Variants in STAT1 observed in about 807,000 individuals in gnomAD.
STAT1 encodes signal transducer and activator of transcription 1.
A neutral mutation model predicts 111.7 loss-of-function variants in STAT1; 24 were observed. That is an observed-to-expected ratio of 0.21 (90% confidence interval 0.16 to 0.30). STAT1 has a LOEUF of 0.30. STAT1 is among the 10% of genes least tolerant of loss of function. STAT1 has a pLI of 1.00. For synonymous variants in STAT1, 332 were observed against 326.5 expected (o/e 1.02, Z -0.18); for missense variants, 351 against 911.9 (o/e 0.38, Z 7.92).
At position 190,974,357 on chromosome 2, in the gene STAT1, C is replaced by T. The variant is rs139822938; in HGVS notation, c.2238+473G>A. On this transcript the variant is annotated intron_variant, in intron 24 of 24. Transcript: ENST00000361099. The surrounding 1 kb of genome is among the most constrained non-coding windows in gnomAD (Gnocchi z 4.8). ...GGAGCTACTTGTACAAATTAGCTCT[C>T]AAATATAAGGCAGATGAAGTAATCT... Among the ~76,000 whole-genome samples, 5 of 152,282 alleles carry T rather than the reference C, an allele frequency of 3.3e-5. No homozygotes were observed. The East Asian group carries it at 9.7e-4, about 29-fold the overall frequency.
At chr2:191,001,435 C>T (rs1294044957) in intron 5 of STAT1, among the ~76,000 whole-genome samples, 2 of 152,270 alleles carry the variant, frequency 1.3e-5, no homozygotes, top group Admixed American at 6.5e-5. Flanking sequence ...CATGGTACCA[C>T]GCTGGAATTT....
intron 10 of STAT1, chr2:190,992,710 C>G: frequency 8.0e-7 from 1 of 1,256,094 alleles, no homozygotes; most frequent in South Asian, 2.0e-5. Context: ...TCAGCACCAC[C>G]AGCTGTTGCT....
intron 12 of STAT1, among the ~76,000 whole-genome samples, chr2:190,988,401 CAG>C (rs1476430527): frequency 2.0e-5 from 3 of 152,160 alleles, no homozygotes; most frequent in African/African-American, 4.8e-5. Context: ...TGTTTTTAGA[CAG>C]AGTCTCACTC....
In STAT1 at chr2:190,974,626, G is replaced by A. The variant is rs534930235; in HGVS notation, c.2238+204C>T. Among the ~76,000 whole-genome samples the A allele has an allele frequency of 6.6e-6, 1 of 152,344 alleles. No individual in the cohort carries two copies. The highest frequency in any genetic ancestry group is 2.1e-4 in the South Asian group (1 of 4,828). On this transcript the variant is annotated intron_variant, in intron 24 of 24. Transcript: ENST00000361099. This position sits in a 1 kb window ranked among gnomAD's most constrained non-coding sequence, Gnocchi z 4.8. The stretch of plus-strand genomic sequence containing the variant: ...ACTTGTTTTTTGGAAGGTGCTGAAT[G>A]CGAGGAATAAAAATCCCACTGATGA...
chr2:191,000,944 C>A lies in STAT1; in HGVS notation c.462+130G>T. 1.3e-6 allele frequency: 1 copy of A among 769,630 alleles called. No individual in the cohort carries two copies. 47.7% of individuals were successfully genotyped at this position (769,630 alleles called of 1,614,324 possible). ...TTTGTTTACTTATAGCTTGAGACTT[C>A]TGCAAAATTTTTCTTCCCAACTACT... On this transcript the variant is annotated intron_variant, in intron 6 of 24. Coordinates refer to ENST00000361099, the MANE Select transcript of STAT1 (RefSeq NM_007315.4). This position sits in a 1 kb window ranked among gnomAD's most constrained non-coding sequence, Gnocchi z 4.8.
Position 190,991,099 on chromosome 2 carries a change from T to C in STAT1, c.1037+129A>G, listed in dbSNP as rs922929165. The stretch of plus-strand genomic sequence containing the variant: ...GACTCTCAGATATTCTCAGTAAGAG[T>C]TCATATTAAAGTGCCCCCTGAAAAA... On this transcript the variant is annotated intron_variant, in intron 11 of 24. Coordinates refer to ENST00000361099, the MANE Select transcript of STAT1 (RefSeq NM_007315.4). The C allele has an allele frequency of 1.3e-5, 10 of 742,900 alleles. No individual in the cohort carries two copies. In the African/African-American group the frequency reaches 1.7e-4, roughly 13 times the overall value. The allele number at this position is 742,900 out of a possible 1,614,324, so 46.0% of individuals were successfully genotyped here.
chr2:191,006,932 T>C lies in STAT1; in HGVS notation c.372+631A>G, dbSNP rs934848970. Among the ~76,000 whole-genome samples, 10 of 152,188 alleles carry C rather than the reference T, an allele frequency of 6.6e-5. No individual in the cohort carries two copies. The highest frequency in any genetic ancestry group is 1.5e-4 in the Non-Finnish European group (10 of 68,020). On this transcript the variant is annotated intron_variant, in intron 5 of 24. Coordinates refer to ENST00000361099, the MANE Select transcript of STAT1 (RefSeq NM_007315.4). This position sits in a 1 kb window ranked among gnomAD's most constrained non-coding sequence, Gnocchi z 4.6. The stretch of plus-strand genomic sequence containing the variant: ...CCTCCTTTTCTCTCCACAAACCTAT[T>C]GAGTCCTACAAAACTCCTGCCCCTG...
In STAT1 at chr2:191,012,592, T is replaced by A. The variant is rs1695224578; in HGVS notation, c.-2+933A>T. ...CTCCATCCCAAGACCTGCTCCTTCC[T>A]GTCTCCAACATTCTACCTTCCCAGT... is the stretch of plus-strand genomic sequence containing the variant. On this transcript the variant is annotated intron_variant, in intron 2 of 24. Transcript: ENST00000361099. The surrounding 1 kb of genome is among the most constrained non-coding windows in gnomAD (Gnocchi z 4.0). Among the ~76,000 whole-genome samples, 2 of 152,170 alleles carry A rather than the reference T, an allele frequency of 1.3e-5. No homozygotes were observed. Among genetic ancestry groups the A allele is most frequent in the East Asian group, 1.9e-4 (1 of 5,198 alleles).
chr2:190,974,231 G>T lies in STAT1; in HGVS notation c.2238+599C>A, dbSNP rs1691723166. 6.6e-6 allele frequency among the ~76,000 whole-genome samples: 1 copy of T among 152,104 alleles called. No homozygotes were observed. Among genetic ancestry groups the T allele is most frequent in the Non-Finnish European group, 1.5e-5 (1 of 68,014 alleles). On this transcript the variant is annotated intron_variant, in intron 24 of 24. Coordinates refer to ENST00000361099, the MANE Select transcript of STAT1 (RefSeq NM_007315.4). The surrounding 1 kb of genome is among the most constrained non-coding windows in gnomAD (Gnocchi z 4.8). ...AAAAAGCACCCTCCAAAAGGAAGATGTTCCCTTTTGTGGACAATCATATTC... is the reference window on the plus strand; with the variant it reads ...AAAAAGCACCCTCCAAAAGGAAGATTTTCCCTTTTGTGGACAATCATATTC...
chr2:190,972,489 T>C (rs1283081986), intron 24 of STAT1, among the ~76,000 whole-genome samples: 3 of 152,142 alleles, frequency 2.0e-5, no homozygotes, highest in African/African-American at 7.2e-5. Flanking sequence ...GCACCAGGCG[T>C]TGGCCCCTGG....
chr2:191,009,872 T>C lies in STAT1; in HGVS notation c.128+4A>G. On this transcript the variant is annotated splice_donor_region_variant and intron_variant, in intron 3 of 24. Coordinates refer to ENST00000361099, the MANE Select transcript of STAT1 (RefSeq NM_007315.4). ...TCTTCTTCTGTCTAGTGAATTTTCC[T>C]TACCAGTCTTGCTTTTCTAACCACT... 6.2e-7 allele frequency: 1 copy of C among 1,613,912 alleles called. No homozygotes were observed. The highest frequency in any genetic ancestry group is 8.5e-7 in the Non-Finnish European group (1 of 1,179,818).
At chr2:190,994,927 A>AAAAAAATAT (rs1165918318) in intron 10 of STAT1, 134 bp downstream of exon 10, 2 of 134,064 alleles carry the variant, frequency 1.5e-5, no homozygotes, top group African/African-American at 7.9e-5. Context: ...AAAAAAAAAA[A>AAAAAAATAT]ATATATATAT....
In STAT1 at chr2:190,970,787, A is replaced by G; in HGVS notation, c.2239-70T>C. 7.0e-7 allele frequency: 1 copy of G among 1,425,298 alleles called. No individual in the cohort carries two copies. Among genetic ancestry groups the G allele is most frequent in the Non-Finnish European group, 9.9e-7 (1 of 1,010,370 alleles). The allele number at this position is 1,425,298 out of a possible 1,614,324, so 88.3% of individuals were successfully genotyped here. ...TGAAATGCAGACTCATACATTAAAC[A>G]TTGCTTGTCTATTCTAGAATGAAGT... On this transcript the variant is annotated intron_variant, in intron 24 of 24. Transcript: ENST00000361099. The surrounding 1 kb of genome is among the most constrained non-coding windows in gnomAD (Gnocchi z 5.4).
chr2:191,010,101 G>T, intron 2 of STAT1, 97 bp from the exon 3 acceptor site: 2 of 1,382,218 alleles, frequency 1.4e-6, no homozygotes, highest in Non-Finnish European at 2.0e-6. Flanking sequence ...TAAATATCTT[G>T]CTTAATCCAA....
intron 6 of STAT1, 66 bp downstream of exon 6, chr2:191,001,008 C>CA: frequency 7.6e-7 from 1 of 1,307,434 alleles, no homozygotes. Flanking sequence ...ACACCCCAAG[C>CA]AATTGAAACC....
intron 15 of STAT1, 81 bp downstream of exon 15, chr2:190,985,538 G>A (rs1692735732): frequency 6.8e-7 from 1 of 1,467,520 alleles, no homozygotes. Flanking sequence ...TCTGTGAGGT[G>A]TCCCCAGCCA....
In STAT1 at chr2:190,981,853, A is replaced by G. The variant is rs974533438; in HGVS notation, c.1582+530T>C. Among the ~76,000 whole-genome samples, 11 of 152,242 alleles carry G rather than the reference A, an allele frequency of 7.2e-5. No homozygotes were observed. Among genetic ancestry groups the G allele is most frequent in the African/African-American group, 2.4e-4 (10 of 41,466 alleles). On this transcript the variant is annotated intron_variant, in intron 18 of 24. Coordinates refer to ENST00000361099, the MANE Select transcript of STAT1 (RefSeq NM_007315.4). The surrounding 1 kb of genome is among the most constrained non-coding windows in gnomAD (Gnocchi z 4.1). ...CACTGACATTAACCACTGAAAGGGA[A>G]TTATCTACCACTGTCTAGACTCTGT...
In STAT1 at chr2:190,970,612, G is replaced by C. The variant is rs1691379305; in HGVS notation, c.*91C>G. On this transcript the variant is annotated 3_prime_UTR_variant, in exon 25 of 25. Coordinates refer to ENST00000361099, the MANE Select transcript of STAT1 (RefSeq NM_007315.4). The surrounding 1 kb of genome is among the most constrained non-coding windows in gnomAD (Gnocchi z 5.4). ...TGCTGGCCTTTCTTTCATTTCCCTA[G>C]AAACACAGGATGTGAAGGAACAGAG... 6.9e-7 allele frequency: 1 copy of C among 1,450,824 alleles called. No homozygotes were observed. Among genetic ancestry groups the C allele is most frequent in the Non-Finnish European group, 9.7e-7 (1 of 1,033,722 alleles). 89.9% of individuals were successfully genotyped at this position (1,450,824 alleles called of 1,614,324 possible). A position where few individuals can be genotyped will look rare whatever the true frequency, so the allele number is the denominator to read the frequency against.
At chr2:190,988,363 G>A (rs1693034152) in intron 12 of STAT1, among the ~76,000 whole-genome samples, 1 of 152,138 alleles carries the variant, frequency 6.6e-6, no homozygotes, top group African/African-American at 2.4e-5. Context: ...GAGTTTTTGA[G>A]TTTTTAGCCA....
Sources: gnomAD v4.1 joint callset for allele counts (sites outside exome capture counted in the v4.1 genomes callset) on GRCh38, gnomAD v4.1.1 for gene constraint, Gnocchi (gnomAD v3.1) non-coding constraint, MANE v1.5 for transcripts, NCBI Gene and HGNC (gene_info 2026-07-23, HGNC 2026-07-21) for gene names.